Variants in SLIT2 observed in about 807,000 individuals in gnomAD.
SLIT2 encodes the protein slit homolog 2 protein.
SLIT2 carries 41 observed loss-of-function variants against 185.7 expected under a neutral mutation model. The observed-to-expected ratio is 0.22, with a 90% confidence interval of 0.17 to 0.29. The LOEUF (loss-of-function observed/expected upper bound fraction) is 0.29. SLIT2 is among the 10% of genes least tolerant of loss of function. SLIT2 has a pLI of 1.00. For synonymous variants in SLIT2, 693 were observed against 680.2 expected, an observed-to-expected ratio of 1.02 and a Z score of -0.29; for missense variants, 1,571 against 1,909.0, an observed-to-expected ratio of 0.82 and a Z score of 3.30.
intron 5 of SLIT2, among the ~76,000 whole-genome samples, chr4:20,476,343 G>A (rs933568895): frequency 2.0e-5 from 3 of 151,944 alleles, no homozygotes; most frequent in Non-Finnish European, 2.9e-5. Flanking sequence ...TTACAATAGT[G>A]AAAAATTGTT....
At chr4:20,348,806 G>A (rs1414959788) in intron 4 of SLIT2, among the ~76,000 whole-genome samples, 1 of 152,128 alleles carries the variant, frequency 6.6e-6, no homozygotes, top group East Asian at 1.9e-4. Flanking sequence ...CTGCAGCTCT[G>A]GGAGTTCATC....
chr4:20,555,570 A>G (rs1347679393), intron 26 of SLIT2, among the ~76,000 whole-genome samples: 2 of 152,098 alleles, frequency 1.3e-5, no homozygotes, highest in African/African-American at 2.4e-5. Context: ...TTGTTATAAC[A>G]TTTCAAAACA....
intron 34 of SLIT2, among the ~76,000 whole-genome samples, chr4:20,611,313 A>G (rs2148981388): frequency 6.6e-6 from 1 of 152,324 alleles, no homozygotes; most frequent in Non-Finnish European, 1.5e-5. Context: ...AGACAGTCTT[A>G]ACATTTTGAC....
intron 5 of SLIT2, among the ~76,000 whole-genome samples, chr4:20,474,666 AT>A (rs1261770593): frequency 6.6e-6 from 1 of 151,892 alleles, no homozygotes; most frequent in Non-Finnish European, 1.5e-5. Context: ...TGGACCTTTG[AT>A]TTTTTGCATC....
At chr4:20,456,894 ATTAACACAACT>A (rs1713129871) in intron 4 of SLIT2, among the ~76,000 whole-genome samples, 1 of 152,114 alleles carries the variant, frequency 6.6e-6, no homozygotes, top group African/African-American at 2.4e-5. Context: ...ATTAACTTAC[ATTAACACAACT>A]TTGACATCAC....
chr4:20,618,578 CT>C (rs1256067617), intron 36 of SLIT2, among the ~76,000 whole-genome samples, 189 bp from the exon 37 acceptor site: 1 of 152,160 alleles, frequency 6.6e-6, no homozygotes, highest in Non-Finnish European at 1.5e-5. Context: ...ATAGCATTCA[CT>C]TTGCTGAAAA....
chr4:20,448,818 A>C (rs1712123981), intron 4 of SLIT2, among the ~76,000 whole-genome samples: 1 of 151,874 alleles, frequency 6.6e-6, no homozygotes, highest in African/African-American at 2.4e-5. Context: ...TTGTATTTTT[A>C]GTAGAGACAG....
chr4:20,351,328 C>T (rs1411824423), intron 4 of SLIT2, among the ~76,000 whole-genome samples: 1 of 152,158 alleles, frequency 6.6e-6, no homozygotes, highest in Non-Finnish European at 1.5e-5. Context: ...GGATTACAGG[C>T]ATGAGCCACC....
chr4:20,526,902 G>A (rs898221837), intron 15 of SLIT2, among the ~76,000 whole-genome samples: 2 of 152,112 alleles, frequency 1.3e-5, no homozygotes, highest in African/African-American at 4.8e-5. Flanking sequence ...CAGATTATTT[G>A]AATTGCAAGA....
intron 4 of SLIT2, among the ~76,000 whole-genome samples, chr4:20,415,592 CAGA>C (rs1382780164): frequency 6.6e-6 from 1 of 151,910 alleles, no homozygotes; most frequent in Admixed American, 6.6e-5. Flanking sequence ...GGAATAATTA[CAGA>C]AGCTTTATTA....
At chr4:20,521,613 G>C (rs901728856) in intron 12 of SLIT2, among the ~76,000 whole-genome samples, 1 of 152,168 alleles carries the variant, frequency 6.6e-6, no homozygotes, top group African/African-American at 2.4e-5. Context: ...TACTTGAGTT[G>C]TGGCCCAGGG....
In SLIT2 at chr4:20,334,903, A is replaced by G. The variant is rs949698074; in HGVS notation, c.395+66022A>G. On this transcript the variant is annotated intron_variant, in intron 4 of 36. Transcript: ENST00000504154. ...GAAGTCTTGACATAGAATCCAGCAC[A>G]CTGAAGTAAGGCTTTTCATATGTAT... 7.9e-5 allele frequency among the ~76,000 whole-genome samples: 12 copies of G among 152,336 alleles called. No individual in the cohort carries two copies. The East Asian group carries it at 2.3e-3, about 29-fold the overall frequency.
At chr4:20,610,252 T>C in intron 34 of SLIT2, 85 bp downstream of exon 34, 2 of 1,198,186 alleles carry the variant, frequency 1.7e-6, no homozygotes, top group Non-Finnish European at 1.2e-6. Flanking sequence ...ATGCCTAATA[T>C]ATCAGGATTT....
rs1379541759 is a variant in SLIT2, at chr4:20,568,918, A to G, written c.3002A>G (p.Asp1001Gly). Reference sequence around the variant, plus strand: ...GAAAATTGTGAAGTCAACGTTGATGATTGTGAAGATAATGACTGTGAAAAT... The same window carrying G: ...GAAAATTGTGAAGTCAACGTTGATGGTTGTGAAGATAATGACTGTGAAAAT... ...EGENCEVNVDDCEDNDCENNS... is the reference protein window; with the variant it reads ...EGENCEVNVDGCEDNDCENNS... Residue 1001 changes from aspartate to glycine, a missense_variant, in exon 29 of 37, where the codon GAT (aspartate) becomes GGT (glycine). Asp to Gly is a moderately conservative substitution (Grantham distance 94, BLOSUM62 -1). This residue lies in a region of SLIT2 where 1,202 missense variants were observed against 1,416.4 expected (regional missense o/e 0.85). Transcript: ENST00000504154. The G allele has an allele frequency of 6.2e-7, 1 of 1,612,310 alleles. No homozygotes were observed. Among genetic ancestry groups the G allele is most frequent in the Non-Finnish European group, 8.5e-7 (1 of 1,178,618 alleles).
intron 16 of SLIT2, among the ~76,000 whole-genome samples, chr4:20,529,729 G>C (rs1037931781): frequency 6.6e-6 from 1 of 152,206 alleles, no homozygotes; most frequent in Non-Finnish European, 1.5e-5. Flanking sequence ...CTATGCCCAT[G>C]CATGGTTTGC....
At chr4:20,272,409 G>C (rs1713723037) in intron 4 of SLIT2, among the ~76,000 whole-genome samples, 1 of 152,040 alleles carries the variant, frequency 6.6e-6, no homozygotes. Context: ...AAGAAATCTG[G>C]AGCTGGTTAA....
intron 4 of SLIT2, among the ~76,000 whole-genome samples, chr4:20,438,470 T>C (rs990507885): frequency 6.6e-6 from 1 of 152,068 alleles, no homozygotes; most frequent in Non-Finnish European, 1.5e-5. Context: ...TTCACAATCA[T>C]GAAAACAGTA....
At chr4:20,604,049 G>A (rs1728604140) in intron 33 of SLIT2, among the ~76,000 whole-genome samples, 1 of 152,202 alleles carries the variant, frequency 6.6e-6, no homozygotes, top group African/African-American at 2.4e-5. Flanking sequence ...TTGGTTATGA[G>A]AATTGAATGA....
chr4:20,357,442 A>ATC (rs1218510407), intron 4 of SLIT2, among the ~76,000 whole-genome samples: 12 of 152,130 alleles, frequency 7.9e-5, no homozygotes, highest in Non-Finnish European at 1.5e-4. Flanking sequence ...AACAACAACA[A>ATC]ATTAGAGATA....
Sources: gnomAD v4.1 joint callset for allele counts (sites outside exome capture counted in the v4.1 genomes callset) on GRCh38, gnomAD v4.1.1 for gene constraint, gnomAD v4.1.1 regional missense constraint, MANE v1.5 for transcripts, NCBI Gene and HGNC (gene_info 2026-07-23, HGNC 2026-07-21) for gene names.